Variants in GALT observed in about 807,000 individuals in gnomAD.
GALT encodes the protein UDP-glucose--hexose-1-phosphate uridylyltransferase.
In GALT, 42 loss-of-function variants were observed where a neutral mutation model predicts 55.4. The observed-to-expected ratio is 0.76, with a 90% CI of 0.59 to 0.98. GALT has a LOEUF of 0.98. Ranked by LOEUF, GALT falls within the 50% of genes least tolerant of loss-of-function variation. GALT has a pLI of 0.00. For synonymous variants in GALT, 154 were observed against 181.5 expected (o/e 0.85, Z 1.22); for missense variants, 407 against 495.7 (o/e 0.82, Z 1.70).
chr9:34,648,672 T>G lies in GALT; in HGVS notation c.688-90T>G. 6.4e-7 allele frequency: 1 copy of G among 1,563,404 alleles called. No individual in the cohort carries two copies. Among genetic ancestry groups the G allele is most frequent in the South Asian group, 1.1e-5 (1 of 89,890 alleles). On this transcript the variant is annotated intron_variant, in intron 7 of 10. Transcript: ENST00000378842. The surrounding 1 kb of genome is among the most constrained non-coding windows in gnomAD (Gnocchi z 4.9). ...GAGAAGACATCAGATCCTGGGCACA[T>G]TCTTTTCTTCTGCTTCCCTTGCCTA...
chr9:34,648,039 T>C lies in GALT; in HGVS notation c.508-76T>C. The C allele has an allele frequency of 6.2e-7, 1 of 1,614,188 alleles. No homozygotes were observed. The highest frequency in any genetic ancestry group is 8.5e-7 in the Non-Finnish European group (1 of 1,180,024). Reference sequence around the variant, plus strand: ...TTGGTTCTGGGGAGTAACATTTCTGTTTCCACAGGGTGTGGTCAGGAGGGA... The same window carrying C: ...TTGGTTCTGGGGAGTAACATTTCTGCTTCCACAGGGTGTGGTCAGGAGGGA... On this transcript the variant is annotated intron_variant, in intron 5 of 10. Transcript: ENST00000378842. The surrounding 1 kb of genome is among the most constrained non-coding windows in gnomAD (Gnocchi z 4.9).
intron 10 of GALT, chr9:34,650,062 T>C (rs1821215412): frequency 5.1e-6 from 2 of 391,332 alleles, no homozygotes; most frequent in Non-Finnish European, 4.7e-6. Context: ...GGAGGATTGC[T>C]TGAGCCCAGA....
Position 34,650,658 on chromosome 9 carries a change from A to G in GALT, c.*209A>G, listed in dbSNP as rs1821234567. ...AAAAGCTAAAGGCATAGCTCCAGCT[A>G]CAACTTTTCTTTGTCTACAGATGTG... On this transcript the variant is annotated 3_prime_UTR_variant, in exon 11 of 11. Transcript: ENST00000378842. The G allele has an allele frequency of 1.7e-6, 1 of 581,530 alleles. No individual in the cohort carries two copies. The highest frequency in any genetic ancestry group is 2.1e-5 in the South Asian group (1 of 47,958). 36.0% of individuals were successfully genotyped at this position (581,530 alleles called of 1,614,324 possible). A position where few individuals can be genotyped will look rare whatever the true frequency, so the allele number is the denominator to read the frequency against.
Position 34,647,741 on chromosome 9 carries a change from C to G in GALT, c.377+36C>G, listed in dbSNP as rs748329705. The G allele has an allele frequency of 6.2e-7, 1 of 1,614,076 alleles. No homozygotes were observed. The highest frequency in any genetic ancestry group is 8.5e-7 in the Non-Finnish European group (1 of 1,179,928). On this transcript the variant is annotated intron_variant, in intron 4 of 10. Transcript: ENST00000378842. This position sits in a 1 kb window ranked among gnomAD's most constrained non-coding sequence, Gnocchi z 5.6. ...ATTTCCCCTCTTACAACTTTCAAAC[C>G]AGAGTTGGAGACTCAGCATTGGGGT...
chr9:34,649,695 C>A, intron 10 of GALT, 131 bp downstream of exon 10: 1 of 1,083,330 alleles, frequency 9.2e-7, no homozygotes, highest in Non-Finnish European at 1.4e-6. Context: ...AAGGGACTGC[C>A]AAAGTTAGGA....
In GALT at chr9:34,649,210, G is replaced by A. The variant is rs1821191619; in HGVS notation, c.904+129G>A. The A allele has an allele frequency of 3.3e-6, 4 of 1,226,740 alleles. No individual in the cohort carries two copies. The Admixed American group carries it at 6.7e-5, about 21-fold the overall frequency. The allele number at this position is 1,226,740 out of a possible 1,614,324, so 76.0% of individuals were successfully genotyped here. A position where few individuals can be genotyped will look rare whatever the true frequency, so the allele number is the denominator to read the frequency against. On this transcript the variant is annotated intron_variant, in intron 9 of 10. Transcript: ENST00000378842. ...TGCTGGGGGAAGTGGCCAGAGTAGA[G>A]ATGCTGGGACTGAGGGTGGAGCAGC...
rs761685630 is a variant in GALT at position 34,646,704 on chromosome 9, C to A, written c.-1C>A. ...TTTCCAGCGGATCCCCCGGTGGCCTCATGTCGCGCAGTGGAACCGATCCTC... is the reference window on the plus strand; with the variant it reads ...TTTCCAGCGGATCCCCCGGTGGCCTAATGTCGCGCAGTGGAACCGATCCTC... On this transcript the variant is annotated 5_prime_UTR_variant, in exon 1 of 11. Transcript: ENST00000378842. 6.2e-7 allele frequency: 1 copy of A among 1,613,772 alleles called. No homozygotes were observed. The highest frequency in any genetic ancestry group is 1.1e-5 in the South Asian group (1 of 91,080).
chr9:34,648,595 TA>T lies in GALT; in HGVS notation c.687+142del. On this transcript the variant is annotated intron_variant, in intron 7 of 10. Transcript: ENST00000378842. This position sits in a 1 kb window ranked among gnomAD's most constrained non-coding sequence, Gnocchi z 4.9. ...AGGCCTTAGCAATAATCCAGTAATC[TA>T]AAGGAAAGATGATGGTGACTTAGAC... 1 of 1,513,574 alleles carries T rather than the reference TA, an allele frequency of 6.6e-7. No homozygotes were observed. Among genetic ancestry groups the T allele is most frequent in the Non-Finnish European group, 9.1e-7 (1 of 1,094,780 alleles). 93.8% of individuals were successfully genotyped at this position (1,513,574 alleles called of 1,614,324 possible).
rs1172080423 is a variant in GALT at position 34,646,735 on chromosome 9, C to T, written c.31C>T (p.Arg11Cys). The change falls in exon 1 of 11, where the codon CGC becomes TGC. Residue 11 changes from arginine to cysteine, a missense_variant. Coordinates refer to ENST00000378842, the MANE Select transcript of GALT (RefSeq NM_000155.4). MSRSGTDPQQ[R>C]QQASEADAAA... ...GCGCAGTGGAACCGATCCTCAGCAA[C>T]GCCAGCAGGCGTCAGAGGCGGACGC... is the stretch of plus-strand genomic sequence containing the variant. The T allele has an allele frequency of 1.2e-6, 2 of 1,613,792 alleles. No individual in the cohort carries two copies. Among genetic ancestry groups the T allele is most frequent in the East Asian group, 2.2e-5 (1 of 44,884 alleles).
In GALT at chr9:34,648,888, C is replaced by T. The variant is rs111033766; in HGVS notation, c.814C>T (p.Arg272Cys). The change falls in exon 8 of 11, where the codon CGT becomes TGT. Residue 272 changes from arginine (R) to cysteine (C), a missense_variant. By Grantham distance (180) the Arg-to-Cys change is radical. Coordinates refer to ENST00000378842, the MANE Select transcript of GALT (RefSeq NM_000155.4). The surrounding 1 kb of genome is among the most constrained non-coding windows in gnomAD (Gnocchi z 4.9). ...RRLPELTPAERDDLASIMKKL... is the reference protein window; with the variant it reads ...RRLPELTPAECDDLASIMKKL... Reference sequence around the variant, plus strand: ...GCTACCTGAGCTGACCCCTGCTGAGCGTGATGGTCAGTCTCCCAAGTAGGA... The same window carrying T: ...GCTACCTGAGCTGACCCCTGCTGAGTGTGATGGTCAGTCTCCCAAGTAGGA... 4 of 1,613,164 alleles carry T rather than the reference C, an allele frequency of 2.5e-6. No individual in the cohort carries two copies. The highest frequency in any genetic ancestry group is 1.3e-5 in the African/African-American group (1 of 74,910).
intron 10 of GALT, chr9:34,650,027 C>A: frequency 2.8e-6 from 1 of 351,054 alleles, no homozygotes; most frequent in Non-Finnish European, 5.3e-6. Context: ...ATGCCTTAAT[C>A]CCAGCACTTT....
Position 34,648,622 on chromosome 9 carries a change from T to G in GALT, c.688-140T>G. On this transcript the variant is annotated intron_variant, in intron 7 of 10. Transcript: ENST00000378842. This position sits in a 1 kb window ranked among gnomAD's most constrained non-coding sequence, Gnocchi z 4.9. ...AAGGAAAGATGATGGTGACTTAGAC[T>G]CGGGTGGTTAGTGGTAGAGGTGGTG... is the stretch of plus-strand genomic sequence containing the variant. The G allele has an allele frequency of 6.7e-7, 1 of 1,484,386 alleles. No individual in the cohort carries two copies. Among genetic ancestry groups the G allele is most frequent in the Non-Finnish European group, 9.3e-7 (1 of 1,069,874 alleles). The allele number at this position is 1,484,386 out of a possible 1,614,324, so 92.0% of individuals were successfully genotyped here. A position where few individuals can be genotyped will look rare whatever the true frequency, so the allele number is the denominator to read the frequency against.
chr9:34,650,607 G>T lies in GALT; in HGVS notation c.*158G>T. On this transcript the variant is annotated 3_prime_UTR_variant, in exon 11 of 11. Transcript: ENST00000378842. ...TATCACATACTCTAATATCAGAGGAGTGTGAACCTTCAGAGATCTAGGGTT... is the reference window on the plus strand; with the variant it reads ...TATCACATACTCTAATATCAGAGGATTGTGAACCTTCAGAGATCTAGGGTT... The T allele has an allele frequency of 1.6e-6, 1 of 644,742 alleles. No individual in the cohort carries two copies. The allele number at this position is 644,742 out of a possible 1,614,324, so 39.9% of individuals were successfully genotyped here. A position where few individuals can be genotyped will look rare whatever the true frequency, so the allele number is the denominator to read the frequency against.
Position 34,647,198 on chromosome 9 carries a change from A to T in GALT, c.192A>T (p.Thr64=), listed in dbSNP as rs2132341711. ...AAGTGGAGCCCCAGCTTCTGAAGAC[A>T]GTGCCCCGCCATGACCCTCTCAACC... ...QGQVEPQLLK[T]VPRHDPLNPL... The change falls in exon 2 of 11, where the codon ACA becomes ACT. Residue 64 remains threonine (T), a synonymous_variant. Coordinates refer to ENST00000378842, the MANE Select transcript of GALT (RefSeq NM_000155.4). This position sits in a 1 kb window ranked among gnomAD's most constrained non-coding sequence, Gnocchi z 5.6. The T allele has an allele frequency of 6.2e-7, 1 of 1,614,134 alleles. No individual in the cohort carries two copies. The highest frequency in any genetic ancestry group is 8.5e-7 in the Non-Finnish European group (1 of 1,180,006).
chr9:34,647,209 A>C lies in GALT; in HGVS notation c.203A>C (p.His68Pro), dbSNP rs193922247. Residue 68 changes from histidine to proline, a missense_variant, in exon 2 of 11, where the codon CAT (histidine) becomes CCT (proline). Transcript: ENST00000378842. This position sits in a 1 kb window ranked among gnomAD's most constrained non-coding sequence, Gnocchi z 5.6. ...CAGCTTCTGAAGACAGTGCCCCGCC[A>C]TGACCCTCTCAACCCTCTGTGTCCT... ...EPQLLKTVPR[H>P]DPLNPLCPGA... 2.5e-6 allele frequency: 4 copies of C among 1,614,178 alleles called. No homozygotes were observed. The South Asian group carries it at 4.4e-5, about 18-fold the overall frequency.
rs1340713552 is a variant in GALT at position 34,647,318 on chromosome 9, A to G, written c.252+60A>G. On this transcript the variant is annotated intron_variant, in intron 2 of 10. Coordinates refer to ENST00000378842, the MANE Select transcript of GALT (RefSeq NM_000155.4). The surrounding 1 kb of genome is among the most constrained non-coding windows in gnomAD (Gnocchi z 5.6). Reference sequence around the variant, plus strand: ...CCACGGGGAGTAGTTCCCTCTTAGAACTGTCCTCCACCCACAGGGATAGTG... The same window carrying G: ...CCACGGGGAGTAGTTCCCTCTTAGAGCTGTCCTCCACCCACAGGGATAGTG... The G allele has an allele frequency of 1.6e-5, 26 of 1,608,342 alleles. 1 individual carries two copies. The East Asian group carries it at 5.8e-4, about 36-fold the overall frequency.
At chr9:34,650,217 C>A in intron 10 of GALT, 152 bp from the exon 11 acceptor site, 1 of 641,684 alleles carries the variant, frequency 1.6e-6, no homozygotes. Flanking sequence ...GAGTTTGAGG[C>A]TGCAGTGAGC....
Position 34,649,486 on chromosome 9 carries a change from G to C in GALT, c.981G>C (p.Leu327=), listed in dbSNP as rs763476236. 1.9e-6 allele frequency: 3 copies of C among 1,614,162 alleles called. No individual in the cohort carries two copies. Among genetic ancestry groups the C allele is most frequent in the Non-Finnish European group, 2.5e-6 (3 of 1,180,036 alleles). The part of the protein sequence containing the change: ...QLHAHYYPPL[L]RSATVRKFMV... ...ACGCTCATTACTACCCTCCGCTCCT[G>C]CGCTCTGCCACTGTCCGGAAATTCA... Residue 327 remains leucine (L), a synonymous_variant, in exon 10 of 11, where the codon CTG becomes CTC. Coordinates refer to ENST00000378842, the MANE Select transcript of GALT (RefSeq NM_000155.4).
At position 34,647,745 on chromosome 9, in the gene GALT, G is replaced by C. The variant is rs1318064833; in HGVS notation, c.377+40G>C. 2 of 1,614,110 alleles carry C rather than the reference G, an allele frequency of 1.2e-6. No homozygotes were observed. Among genetic ancestry groups the C allele is most frequent in the Non-Finnish European group, 1.7e-6 (2 of 1,179,970 alleles). On this transcript the variant is annotated intron_variant, in intron 4 of 10. Coordinates refer to ENST00000378842, the MANE Select transcript of GALT (RefSeq NM_000155.4). The surrounding 1 kb of genome is among the most constrained non-coding windows in gnomAD (Gnocchi z 5.6). The stretch of plus-strand genomic sequence containing the variant: ...CCCCTCTTACAACTTTCAAACCAGA[G>C]TTGGAGACTCAGCATTGGGGTTCGG...
Sources: gnomAD v4.1 joint callset for allele counts on GRCh38, gnomAD v4.1.1 for gene constraint, Gnocchi (gnomAD v3.1) non-coding constraint, MANE v1.5 for transcripts, NCBI Gene and HGNC (gene_info 2026-07-23, HGNC 2026-07-21) for gene names.